ABCC4: variants seen among roughly 807,000 people sequenced by gnomAD.
ABCC4 encodes the protein ATP-binding cassette sub-family C member 4.
In ABCC4, 102 loss-of-function variants were observed where a neutral mutation model predicts 168.5. The observed-to-expected ratio is 0.61, with a 90% CI of 0.52 to 0.71. ABCC4 has a LOEUF of 0.71. ABCC4 is among the 30% of genes least tolerant of loss of function. The pLI is 0.00. For synonymous variants in ABCC4, 617 were observed against 590.7 expected, an observed-to-expected ratio of 1.04 and a Z score of -0.65; for missense variants, 1,402 against 1,605.8, an observed-to-expected ratio of 0.87 and a Z score of 2.17.
chr13:95,209,504 C>A lies in ABCC4; in HGVS notation c.715G>T (p.Ala239Ser). The A allele has an allele frequency of 6.2e-7, 1 of 1,614,220 alleles. No individual in the cohort carries two copies. Among genetic ancestry groups the A allele is most frequent in the Non-Finnish European group, 8.5e-7 (1 of 1,180,024 alleles). ...LWMEIGISCL[A>S]GMAVLIILLP... ...AGAATGATTAGAACTGCCATCCCAGCAAGGCACGATATTCCTATCTCCATC... is the reference window on the plus strand; with the variant it reads ...AGAATGATTAGAACTGCCATCCCAGAAAGGCACGATATTCCTATCTCCATC... Residue 239 changes from alanine to serine, a missense_variant, in exon 6 of 31, where the codon GCT (alanine) becomes TCT (serine). Transcript: ENST00000645237.
chr13:95,043,434 T>A, intron 29 of ABCC4: 1 of 421,148 alleles, frequency 2.4e-6, no homozygotes. Context: ...ATCTTAGATT[T>A]GGAATATTTT....
At chr13:95,076,618 C>A (rs996149637) in intron 21 of ABCC4, among the ~76,000 whole-genome samples, 1 of 151,824 alleles carries the variant, frequency 6.6e-6, no homozygotes, top group African/African-American at 2.4e-5. Context: ...ATGTCCACCA[C>A]CACGGCCGGC....
At chr13:95,108,581 C>T (rs1315904240) in intron 20 of ABCC4, among the ~76,000 whole-genome samples, 2 of 152,146 alleles carry the variant, frequency 1.3e-5, no homozygotes, top group African/African-American at 4.8e-5. Context: ...TCCTCCTTCA[C>T]CTTCCACCAT....
intron 9 of ABCC4, among the ~76,000 whole-genome samples, chr13:95,192,603 C>T (rs17268129): frequency 0.09 from 13,721 of 152,170 alleles, 636 homozygotes; most frequent in East Asian, 0.11. Flanking sequence ...GGGATGTTCA[C>T]AGAGCTGTCT....
chr13:95,251,840 G>A lies in ABCC4; in HGVS notation c.75-4087C>T, dbSNP rs118144309. Among the ~76,000 whole-genome samples the A allele has an allele frequency of 3.9e-5, 6 of 152,200 alleles. No homozygotes were observed. The South Asian group carries it at 1.2e-3, about 32-fold the overall frequency. ...GTCATCCCCCCATATCCACAGTTTC[G>A]CTTTCCACAGGTTGAGTTACCCACA... On this transcript the variant is annotated intron_variant, in intron 1 of 30. Transcript: ENST00000645237.
chr13:95,149,573 A>T (rs531547078), intron 19 of ABCC4, among the ~76,000 whole-genome samples: 1 of 152,330 alleles, frequency 6.6e-6, no homozygotes, highest in South Asian at 2.1e-4. Flanking sequence ...GACTACTTTT[A>T]AAAAAGCAAC....
intron 29 of ABCC4, among the ~76,000 whole-genome samples, chr13:95,035,231 T>C (rs1424633178): frequency 1.3e-5 from 2 of 152,130 alleles, no homozygotes; most frequent in Admixed American, 1.3e-4. Flanking sequence ...CTCTAAGCAA[T>C]GGAAAAGAAG....
In ABCC4 at chr13:95,272,276, C is replaced by T. The variant is rs556737797; in HGVS notation, c.75-24523G>A. ...GGCCAGGCTGGTCTCAAACTCCTGACCTCAGGTGATCCACTTGGCCTCCCA... is the reference window on the plus strand; with the variant it reads ...GGCCAGGCTGGTCTCAAACTCCTGATCTCAGGTGATCCACTTGGCCTCCCA... On this transcript the variant is annotated intron_variant, in intron 1 of 30. Coordinates refer to ENST00000645237, the MANE Select transcript of ABCC4 (RefSeq NM_005845.5). Among the ~76,000 whole-genome samples, 11 of 129,950 alleles carry T rather than the reference C, an allele frequency of 8.5e-5. No individual in the cohort carries two copies. In the South Asian group the frequency reaches 2.5e-3, roughly 29 times the overall value. The allele number at this position is 129,950 out of a possible 152,430, so 85.3% of individuals were successfully genotyped here.
intron 14 of ABCC4, among the ~76,000 whole-genome samples, chr13:95,169,887 C>T (rs906479200): frequency 1.3e-5 from 2 of 152,130 alleles, no homozygotes; most frequent in Non-Finnish European, 2.9e-5. Context: ...GACAGAGTCT[C>T]ACTCTGTAGC....
chr13:95,149,766 C>T (rs2036613841), intron 19 of ABCC4, among the ~76,000 whole-genome samples: 1 of 152,122 alleles, frequency 6.6e-6, no homozygotes, highest in South Asian at 2.1e-4. Flanking sequence ...GTGCGGAACA[C>T]AGAAAGAACT....
chr13:95,141,838 G>T (rs980768119), intron 19 of ABCC4, among the ~76,000 whole-genome samples: 3 of 152,160 alleles, frequency 2.0e-5, no homozygotes, highest in African/African-American at 7.2e-5. Flanking sequence ...TGGGCTCAAG[G>T]GATCATCCTG....
intron 29 of ABCC4, among the ~76,000 whole-genome samples, chr13:95,039,876 C>T (rs1241448485): frequency 6.6e-6 from 1 of 152,160 alleles, no homozygotes; most frequent in African/African-American, 2.4e-5. Flanking sequence ...AAGAAAAGCT[C>T]GGAACAGCTT....
intron 1 of ABCC4, among the ~76,000 whole-genome samples, chr13:95,282,537 A>AT (rs1188979946): frequency 1.3e-5 from 2 of 151,266 alleles, no homozygotes; most frequent in Middle Eastern, 3.2e-3. Context: ...TTATTTTTTT[A>AT]TTTTTTATTT....
intron 19 of ABCC4, among the ~76,000 whole-genome samples, chr13:95,120,241 T>C (rs2035518410): frequency 6.6e-6 from 1 of 152,194 alleles, no homozygotes; most frequent in South Asian, 2.1e-4. Context: ...ATAGCTTCAC[T>C]GATGGTTCTG....
intron 9 of ABCC4, among the ~76,000 whole-genome samples, chr13:95,189,951 T>C (rs1189288496): frequency 6.6e-6 from 1 of 152,160 alleles, no homozygotes; most frequent in Non-Finnish European, 1.5e-5. Context: ...CTAAACAATC[T>C]ATAAATTCTA....
intron 13 of ABCC4, among the ~76,000 whole-genome samples, chr13:95,175,408 G>A (rs764134966): frequency 4.3e-4 from 65 of 152,074 alleles, no homozygotes; most frequent in Non-Finnish European, 8.5e-4. Flanking sequence ...CACCTCCTGG[G>A]TTCAAGCAAT....
intron 13 of ABCC4, among the ~76,000 whole-genome samples, chr13:95,172,695 T>G (rs2037521003): frequency 6.6e-6 from 1 of 151,490 alleles, no homozygotes; most frequent in Non-Finnish European, 1.5e-5. Context: ...CTTTGGGAGG[T>G]TAAGGCAGGA....
intron 11 of ABCC4, among the ~76,000 whole-genome samples, chr13:95,183,669 T>C (rs1186918006): frequency 6.6e-6 from 1 of 152,022 alleles, no homozygotes; most frequent in Non-Finnish European, 1.5e-5. Flanking sequence ...TCCCAGCATT[T>C]TGGGAAGCAA....
At chr13:95,029,988 T>TCCATCCATCC (rs1555302416) in intron 30 of ABCC4, among the ~76,000 whole-genome samples, 82 of 146,442 alleles carry the variant, frequency 5.6e-4, no homozygotes, top group Non-Finnish European at 5.2e-4. Context: ...CTTGTCTATC[T>TCCATCCATCC]ATCCATCCAT....
Sources: allele counts gnomAD v4.1 joint callset (sites outside exome capture counted in the v4.1 genomes callset), GRCh38; gene constraint gnomAD v4.1.1; transcripts MANE v1.5; gene names NCBI Gene and HGNC (gene_info 2026-07-23, HGNC 2026-07-21).